PCDHA8: variants seen among roughly 807,000 people sequenced by gnomAD.
PCDHA8 encodes protocadherin alpha 8.
A neutral mutation model predicts 61.8 loss-of-function variants in PCDHA8; 53 were observed. The observed-to-expected ratio is 0.86, with a 90% CI of 0.69 to 1.08. PCDHA8 has a LOEUF of 1.08. Ranked by LOEUF, PCDHA8 falls within the 50% of genes least tolerant of loss-of-function variation. The pLI is 0.00. For synonymous variants in PCDHA8, 618 were observed against 556.6 expected (o/e 1.11, Z -1.55); for missense variants, 1,293 against 1,245.0 (o/e 1.04, Z -0.58).
intron 3 of PCDHA8, among the ~76,000 whole-genome samples, chr5:140,987,644 T>G (rs1461630900): frequency 6.6e-6 from 1 of 152,220 alleles, no homozygotes; most frequent in Non-Finnish European, 1.5e-5. Context: ...TGCACACATA[T>G]TGCAGAATCT....
chr5:140,869,293 T>C, intron 1 of PCDHA8: 2 of 1,613,604 alleles, frequency 1.2e-6, no homozygotes, highest in African/African-American at 1.3e-5. Flanking sequence ...GCAGCGCCTG[T>C]TCCGGGTGGC....
At position 140,843,195 on chromosome 5, in the gene PCDHA8, G is replaced by T. The variant is rs1554139855; in HGVS notation, c.1874G>T (p.Gly625Val). 5.6e-6 allele frequency: 9 copies of T among 1,596,020 alleles called. 1 individual carries two copies. The highest frequency in any genetic ancestry group is 3.3e-5 in the South Asian group (3 of 90,494). The change falls in exon 1 of 4, where the codon GGG (glycine) becomes GTG (valine). Residue 625 changes from glycine to valine, a missense_variant. Transcript: ENST00000531613. ...ASSPRIPFRV[G>V]LYTGEISTTR... ...AGCCCTCGCATCCCGTTCCGCGTGG[G>T]GCTGTACACGGGCGAGATCAGCACC...
At chr5:140,858,465 T>G in intron 1 of PCDHA8, 1 of 1,522,706 alleles carries the variant, frequency 6.6e-7, no homozygotes, top group African/African-American at 1.4e-5. Flanking sequence ...ATTTTCCTTT[T>G]GTGCTTTATG....
chr5:140,893,656 TA>T (rs1241356048), intron 1 of PCDHA8, among the ~76,000 whole-genome samples: 28 of 152,340 alleles, frequency 1.8e-4, no homozygotes, highest in Admixed American at 1.6e-3. Flanking sequence ...CTGATAGTTT[TA>T]AAAAATTTCA....
chr5:141,005,031 A>G (rs2098194150), intron 3 of PCDHA8, among the ~76,000 whole-genome samples: 1 of 152,212 alleles, frequency 6.6e-6, no homozygotes, highest in South Asian at 2.1e-4. Context: ...ATAATTGCCC[A>G]TATGTGATAC....
chr5:140,882,057 A>C, intron 1 of PCDHA8: 1 of 790,730 alleles, frequency 1.3e-6, no homozygotes, highest in Non-Finnish European at 1.9e-6. Context: ...ACTTACACTT[A>C]CACGTTCATG....
chr5:140,890,283 A>G (rs1554184241), intron 1 of PCDHA8, among the ~76,000 whole-genome samples: 2 of 152,192 alleles, frequency 1.3e-5, no homozygotes, highest in Admixed American at 1.3e-4. Flanking sequence ...CACTCAGTTG[A>G]GTCAGAACCA....
At chr5:140,927,760 A>G in intron 1 of PCDHA8, 1 of 1,614,206 alleles carries the variant, frequency 6.2e-7, no homozygotes, top group Non-Finnish European at 8.5e-7. Context: ...GCACCCTAAA[A>G]GTGGGGAGGT....
chr5:140,862,830 C>A (rs781933426), intron 1 of PCDHA8: 1 of 572,350 alleles, frequency 1.7e-6, no homozygotes, highest in South Asian at 1.4e-5. Context: ...GAGCGCGCGA[C>A]GCGGGCATGC....
intron 1 of PCDHA8, among the ~76,000 whole-genome samples, chr5:140,846,560 G>A (rs1327875705): frequency 6.8e-6 from 1 of 148,012 alleles, no homozygotes; most frequent in Non-Finnish European, 1.5e-5. Context: ...ATTTTTAGTA[G>A]AGTCGGGGTT....
At position 140,843,104 on chromosome 5, in the gene PCDHA8, C is replaced by A. The variant is rs1327692669; in HGVS notation, c.1783C>A (p.Arg595Ser). 3 of 1,595,712 alleles carry A rather than the reference C, an allele frequency of 1.9e-6. No individual in the cohort carries two copies. Among genetic ancestry groups the A allele is most frequent in the Non-Finnish European group, 1.7e-6 (2 of 1,165,470 alleles). Residue 595 changes from arginine to serine, a missense_variant, in exon 1 of 4, where the codon CGC becomes AGC. Arg to Ser is a moderately radical substitution (Grantham distance 110, BLOSUM62 -1). Coordinates refer to ENST00000531613, the MANE Select transcript of PCDHA8 (RefSeq NM_018911.3). ...VGAGHVVAKV[R>S]AVDADSGYNA... is the part of the protein sequence containing the mutation. The stretch of plus-strand genomic sequence containing the variant: ...CGCGGGCCACGTGGTAGCGAAGGTG[C>A]GCGCAGTGGACGCCGACTCGGGCTA...
intron 1 of PCDHA8, chr5:140,861,213 A>C: frequency 6.0e-6 from 1 of 166,518 alleles, no homozygotes; most frequent in Non-Finnish European, 1.3e-5. Flanking sequence ...ACTAACCAAA[A>C]GAGAGGCATA....
intron 1 of PCDHA8, among the ~76,000 whole-genome samples, chr5:140,872,744 C>T (rs1359908128): frequency 6.6e-6 from 1 of 152,086 alleles, no homozygotes; most frequent in African/African-American, 2.4e-5. Flanking sequence ...TCTAAACTTG[C>T]TAAAGACATG....
At position 141,010,166 on chromosome 5, in the gene PCDHA8, A is replaced by T; in HGVS notation, c.*229A>T. 1 of 1,562,828 alleles carries T rather than the reference A, an allele frequency of 6.4e-7. No individual in the cohort carries two copies. On this transcript the variant is annotated 3_prime_UTR_variant, in exon 4 of 4. Coordinates refer to ENST00000531613, the MANE Select transcript of PCDHA8 (RefSeq NM_018911.3). ...TCTCTCCACTCTGGCTTGTTTTCAG[A>T]ACCTAAAAAGCAGACCCAAGTTTCC... is the stretch of plus-strand genomic sequence containing the variant.
intron 3 of PCDHA8, among the ~76,000 whole-genome samples, chr5:141,000,680 T>C (rs953789526): frequency 1.3e-5 from 2 of 151,376 alleles, no homozygotes; most frequent in African/African-American, 2.4e-5. Flanking sequence ...CACCTGCCTC[T>C]GCCTCCCAAA....
At chr5:140,904,412 A>C (rs1554191488) in intron 1 of PCDHA8, among the ~76,000 whole-genome samples, 2 of 150,986 alleles carry the variant, frequency 1.3e-5, no homozygotes, top group Non-Finnish European at 2.9e-5. Context: ...TATATATATA[A>C]TACATATATT....
chr5:140,994,483 G>A (rs1356969213), intron 3 of PCDHA8, among the ~76,000 whole-genome samples: 1 of 152,062 alleles, frequency 6.6e-6, no homozygotes, highest in East Asian at 1.9e-4. Context: ...CGGGTGGATT[G>A]CCTGAACCCA....
rs560256618 is a variant in PCDHA8 at position 140,999,889 on chromosome 5, C to T, written c.2543-9738C>T. Among the ~76,000 whole-genome samples the T allele has an allele frequency of 2.0e-5, 3 of 152,292 alleles. No homozygotes were observed. In the East Asian group the frequency reaches 5.8e-4, roughly 29 times the overall value. ...TTACTGAAAATTAGCCCAGCTGTAG[C>T]TTGGGACACCAAACAGCCAAAAAAT... On this transcript the variant is annotated intron_variant, in intron 3 of 3. Coordinates refer to ENST00000531613, the MANE Select transcript of PCDHA8 (RefSeq NM_018911.3).
chr5:140,893,384 G>T (rs2063960240), intron 1 of PCDHA8, among the ~76,000 whole-genome samples: 1 of 152,168 alleles, frequency 6.6e-6, no homozygotes, highest in South Asian at 2.1e-4. Flanking sequence ...ATGGGACAGT[G>T]GCTCATGCCT....
Sources: gnomAD v4.1 joint callset for allele counts (sites outside exome capture counted in the v4.1 genomes callset) on GRCh38, gnomAD v4.1.1 for gene constraint, MANE v1.5 for transcripts, NCBI Gene and HGNC (gene_info 2026-07-23, HGNC 2026-07-21) for gene names.